Variants in P2RY8 observed in about 807,000 individuals in gnomAD.
The protein encoded by P2RY8 is S-geranylgeranyl-glutathione receptor P2RY8.
Under a neutral mutation model 10.0 loss-of-function variants are expected in P2RY8, and 6 were observed. The ratio of observed to expected loss-of-function variants is 0.60; its 90% confidence interval spans 0.33 to 1.19. The LOEUF (loss-of-function observed/expected upper bound fraction) is 1.19, where lower values mean the gene tolerates loss of function less well. Among genes scored for constraint, P2RY8 ranks in the 50% most tolerant of loss-of-function variants. The pLI, the probability that P2RY8 is intolerant of heterozygous loss-of-function variation, is 0.04. For synonymous variants in P2RY8, 276 were observed against 252.5 expected (o/e 1.09, Z -0.88); for missense variants, 456 against 542.0 (o/e 0.84, Z 1.58).
intron 1 of P2RY8, among the ~76,000 whole-genome samples, chrX:1,476,904 G>A (rs777735731): frequency 1.3e-5 from 2 of 152,072 alleles, no homozygotes; most frequent in East Asian, 1.9e-4. Flanking sequence ...GAACTTCACC[G>A]TCAGCCTGGA....
intron 1 of P2RY8, among the ~76,000 whole-genome samples, chrX:1,529,093 C>T (rs1436225290): frequency 6.6e-6 from 1 of 152,144 alleles, no homozygotes; most frequent in African/African-American, 2.4e-5. Context: ...ATGAGAATAA[C>T]ACGTACACAC....
intron 1 of P2RY8, among the ~76,000 whole-genome samples, chrX:1,519,621 C>A (rs1208605574): frequency 2.6e-5 from 4 of 151,528 alleles, no homozygotes; most frequent in Non-Finnish European, 5.9e-5. Context: ...ATCTTCTTGG[C>A]TCCCAATCAC....
At chrX:1,522,439 G>C (rs755529513) in intron 1 of P2RY8, among the ~76,000 whole-genome samples, 1 of 152,264 alleles carries the variant, frequency 6.6e-6, no homozygotes, top group African/African-American at 2.4e-5. Context: ...GCAATCCTCA[G>C]ATGACAAGGC....
chrX:1,497,221 C>CAA (rs555047911), intron 1 of P2RY8, among the ~76,000 whole-genome samples: 6,725 of 84,084 alleles, frequency 0.08, 464 homozygotes, highest in African/African-American at 0.18. Flanking sequence ...GACTCCGTCT[C>CAA]AAAAAAAAAA....
chrX:1,515,814 G>T (rs1403495475), intron 1 of P2RY8, among the ~76,000 whole-genome samples: 1 of 151,814 alleles, frequency 6.6e-6, no homozygotes, highest in African/African-American at 2.4e-5. Flanking sequence ...TGAGAGCTCT[G>T]GGGGAGATTA....
In P2RY8 at chrX:1,493,634, A is replaced by C. The variant is rs756120197; in HGVS notation, c.-24-27052T>G. On this transcript the variant is annotated intron_variant, in intron 1 of 1. Transcript: ENST00000381297. ...ATAAAAGCCAAAGACAGGTGTGAAGAAGATTTCTGGGAGAGCGCATTTTAA... is the reference window on the plus strand; with the variant it reads ...ATAAAAGCCAAAGACAGGTGTGAAGCAGATTTCTGGGAGAGCGCATTTTAA... Among the ~76,000 whole-genome samples, 9 of 152,284 alleles carry C rather than the reference A, an allele frequency of 5.9e-5. No homozygotes were observed. In the South Asian group the frequency reaches 1.9e-3, roughly 32 times the overall value.
intron 1 of P2RY8, among the ~76,000 whole-genome samples, chrX:1,535,716 G>GACACACAGACACACACAC (rs1556688266): frequency 6.8e-6 from 1 of 146,202 alleles, no homozygotes; most frequent in Non-Finnish European, 1.5e-5. Flanking sequence ...CACACACACA[G>GACACACAGACACACACAC]ACACACACAC....
chrX:1,530,007 C>T (rs2092461789), intron 1 of P2RY8, among the ~76,000 whole-genome samples: 2 of 151,942 alleles, frequency 1.3e-5, no homozygotes, highest in African/African-American at 4.8e-5. Flanking sequence ...AATCACCCGG[C>T]CCCAAATGTC....
rs188673340 is a variant in P2RY8, at chrX:1,531,656, T to C, written c.-25+5265A>G. ...AGTCTCATAGGACTCCTCCCTCCCA[T>C]GGAGACCTTCTTGGCTAGAAAATCA... is the stretch of plus-strand genomic sequence containing the variant. On this transcript the variant is annotated intron_variant, in intron 1 of 1. Transcript: ENST00000381297. 6.6e-5 allele frequency among the ~76,000 whole-genome samples: 10 copies of C among 152,254 alleles called. No homozygotes were observed. In the East Asian group the frequency reaches 1.7e-3, roughly 26 times the overall value.
At chrX:1,507,188 A>G (rs1328708502) in intron 1 of P2RY8, among the ~76,000 whole-genome samples, 1 of 151,828 alleles carries the variant, frequency 6.6e-6, no homozygotes. Flanking sequence ...CGTACATGCA[A>G]CACCCCCAGC....
intron 1 of P2RY8, among the ~76,000 whole-genome samples, chrX:1,524,682 C>CATCT (rs1403340191): frequency 8.2e-5 from 10 of 122,060 alleles, no homozygotes; most frequent in African/African-American, 2.6e-4. Context: ...TCCATCCATC[C>CATCT]ATCCATCCAT....
At position 1,464,519 on chromosome X, in the gene P2RY8, C is replaced by T. The variant is rs1421035361; in HGVS notation, c.*960G>A. On this transcript the variant is annotated 3_prime_UTR_variant, in exon 2 of 2. Transcript: ENST00000381297. ...TGAGGCTCTCCATGGGGTAAAAGGA[C>T]GCGGAGAATGGGCAGGAGGTGGGGA... 6.4e-5 allele frequency: 15 copies of T among 233,432 alleles called. No homozygotes were observed. The highest frequency in any genetic ancestry group is 5.4e-4 in the South Asian group (3 of 5,524). 14.5% of individuals were successfully genotyped at this position (233,432 alleles called of 1,614,324 possible).
chrX:1,480,918 C>A (rs1364088530), intron 1 of P2RY8, among the ~76,000 whole-genome samples: 1 of 150,832 alleles, frequency 6.6e-6, no homozygotes, highest in Non-Finnish European at 1.5e-5. Context: ...AAAAAAAAAA[C>A]CATTTAAACA....
Position 1,500,137 on chromosome X carries a change from C to T in P2RY8, c.-24-33555G>A, listed in dbSNP as rs754482109. ...CCTCCCAAAGTGCTGGGATGACAGG[C>T]GTGAGCCACCGCGCCCGGCCTGTTG... On this transcript the variant is annotated intron_variant, in intron 1 of 1. Coordinates refer to ENST00000381297, the MANE Select transcript of P2RY8 (RefSeq NM_178129.5). Among the ~76,000 whole-genome samples the T allele has an allele frequency of 6.6e-5, 10 of 151,716 alleles. No homozygotes were observed. In the East Asian group the frequency reaches 1.2e-3, roughly 18 times the overall value.
At chrX:1,512,407 C>T (rs1487303330) in intron 1 of P2RY8, among the ~76,000 whole-genome samples, 14 of 151,934 alleles carry the variant, frequency 9.2e-5, no homozygotes, top group South Asian at 8.4e-4. Flanking sequence ...ATTAGCCAGG[C>T]GTGGTGGTGG....
Position 1,512,403 on chromosome X carries a change from C to T in P2RY8, c.-25+24518G>A, listed in dbSNP as rs148747419. Reference sequence around the variant, plus strand: ...CTCTACTAAAAACACAAAAATTAGCCAGGCGTGGTGGTGGGTACCTGTCAT... The same window carrying T: ...CTCTACTAAAAACACAAAAATTAGCTAGGCGTGGTGGTGGGTACCTGTCAT... On this transcript the variant is annotated intron_variant, in intron 1 of 1. Transcript: ENST00000381297. Among the ~76,000 whole-genome samples, 657 of 152,010 alleles carry T rather than the reference C, an allele frequency of 4.3e-3. 7 individuals carry two copies. Among genetic ancestry groups the T allele is most frequent in the African/African-American group, 0.015 (635 of 41,494 alleles).
intron 1 of P2RY8, among the ~76,000 whole-genome samples, chrX:1,488,733 G>GGTGT (rs771296428): frequency 0.15 from 21,529 of 147,500 alleles, 1,686 homozygotes; most frequent in South Asian, 0.29. Flanking sequence ...GTAAATGCAG[G>GGTGT]GTGTGTGTGT....
chrX:1,500,468 G>T (rs1291599357), intron 1 of P2RY8, among the ~76,000 whole-genome samples: 1 of 151,204 alleles, frequency 6.6e-6, no homozygotes, highest in Admixed American at 6.6e-5. Context: ...TTTTTGAGAC[G>T]GAGTCTCACT....
intron 1 of P2RY8, among the ~76,000 whole-genome samples, chrX:1,489,535 C>G (rs748326197): frequency 4.0e-5 from 6 of 151,694 alleles, no homozygotes; most frequent in African/African-American, 1.5e-4. Context: ...GAATGACTGA[C>G]ACCCAGGATT....
Sources: allele counts gnomAD v4.1 joint callset (sites outside exome capture counted in the v4.1 genomes callset), GRCh38; gene constraint gnomAD v4.1.1; transcripts MANE v1.5; gene names NCBI Gene and HGNC (gene_info 2026-07-23, HGNC 2026-07-21).